SUGCT: variants seen among roughly 807,000 people sequenced by gnomAD.
SUGCT encodes the protein succinyl-CoA:glutarate CoA-transferase.
SUGCT carries 41 observed loss-of-function variants against 55.0 expected under a neutral mutation model. The observed-to-expected ratio is 0.74, with a 90% CI of 0.58 to 0.97. The LOEUF is 0.97. SUGCT is among the 50% of genes least tolerant of loss of function. The pLI, the probability that SUGCT is intolerant of heterozygous loss-of-function variation, is 0.00. For missense variants in SUGCT, 568 were observed against 547.8 expected, an observed-to-expected ratio of 1.04 and a Z score of -0.37; for synonymous variants, 187 against 200.4, an observed-to-expected ratio of 0.93 and a Z score of 0.56.
the SUGCT span, chr7:40,964,798 A>T: frequency 5.3e-5 from 8 of 152,164 alleles, no homozygotes; most frequent in Non-Finnish European, 1.2e-4. Context: ...ACAGCTGCTC[A>T]CCTGTTAAAT....
the SUGCT span, among the ~76,000 whole-genome samples, chr7:40,898,655 C>T: frequency 2.0e-5 from 3 of 151,672 alleles, no homozygotes; most frequent in South Asian, 2.1e-4. Flanking sequence ...ACCGTGGAGG[C>T]GGACCTTGCA....
At chr7:40,232,707 A>G (rs916384917) in intron 6 of SUGCT, among the ~76,000 whole-genome samples, 1 of 152,158 alleles carries the variant, frequency 6.6e-6, no homozygotes, top group Admixed American at 6.6e-5. Flanking sequence ...TTTTGCTTTC[A>G]GTGTCCATAA....
intron 9 of SUGCT, among the ~76,000 whole-genome samples, chr7:40,340,338 T>A (rs73688039): frequency 0.015 from 2,302 of 152,142 alleles, 47 homozygotes; most frequent in South Asian, 0.059. Context: ...CAACTCAATT[T>A]CACTTAACCT....
chr7:40,851,311 T>C (rs1793838356), intron 13 of SUGCT, among the ~76,000 whole-genome samples: 1 of 144,598 alleles, frequency 6.9e-6, no homozygotes, highest in African/African-American at 2.4e-5. Context: ...ATTAAATGCA[T>C]TTGTAAATGT....
intron 13 of SUGCT, among the ~76,000 whole-genome samples, chr7:40,752,547 G>A (rs554770915): frequency 1.3e-5 from 2 of 152,148 alleles, no homozygotes; most frequent in East Asian, 3.9e-4. Context: ...GTAGAGACGG[G>A]ATTTCACCAT....
chr7:40,440,850 C>T (rs1307063376), intron 9 of SUGCT, among the ~76,000 whole-genome samples: 1 of 151,870 alleles, frequency 6.6e-6, no homozygotes, highest in Non-Finnish European at 1.5e-5. Flanking sequence ...CCCAGCGACT[C>T]AGGAGGCTAT....
At chr7:40,459,795 C>T (rs1400657438) in intron 11 of SUGCT, among the ~76,000 whole-genome samples, 2 of 152,094 alleles carry the variant, frequency 1.3e-5, no homozygotes. Flanking sequence ...ATTTTATTTC[C>T]ATTTTTTTCC....
chr7:40,340,789 A>G (rs1227341226), intron 9 of SUGCT, among the ~76,000 whole-genome samples: 1 of 152,190 alleles, frequency 6.6e-6, no homozygotes, highest in Non-Finnish European at 1.5e-5. Flanking sequence ...GGTCGACTGG[A>G]GAATCAATGA....
At chr7:40,349,530 C>T (rs2151194754) in intron 9 of SUGCT, among the ~76,000 whole-genome samples, 1 of 152,256 alleles carries the variant, frequency 6.6e-6, no homozygotes, top group South Asian at 2.1e-4. Context: ...CATTCTGTTT[C>T]CTACTTGGTG....
chr7:40,786,359 T>C (rs1289875766), intron 13 of SUGCT, among the ~76,000 whole-genome samples: 1 of 152,214 alleles, frequency 6.6e-6, no homozygotes, highest in Non-Finnish European at 1.5e-5. Context: ...AGGATGTTCT[T>C]AGTGTCATAT....
intron 12 of SUGCT, among the ~76,000 whole-genome samples, chr7:40,656,272 G>A (rs1476849584): frequency 1.3e-5 from 2 of 149,202 alleles, no homozygotes; most frequent in African/African-American, 5.0e-5. Context: ...TCTGAACACC[G>A]AGATTTGACC....
intron 1 of SUGCT, among the ~76,000 whole-genome samples, chr7:40,136,354 A>T (rs2150567227): frequency 1.3e-5 from 2 of 152,306 alleles, no homozygotes; most frequent in Middle Eastern, 3.4e-3. Flanking sequence ...CCTAACGGGT[A>T]GCCTGGACCT....
At chr7:40,759,612 G>C (rs1788433254) in intron 13 of SUGCT, among the ~76,000 whole-genome samples, 1 of 150,300 alleles carries the variant, frequency 6.7e-6, no homozygotes, top group Admixed American at 6.6e-5. Context: ...CTAAAGTTGA[G>C]CCAAAAAGGG....
At chr7:40,454,651 T>A (rs1583720087) in intron 10 of SUGCT, among the ~76,000 whole-genome samples, 1 of 152,284 alleles carries the variant, frequency 6.6e-6, no homozygotes, top group East Asian at 1.9e-4. Context: ...AAACAGTGAT[T>A]TGATTAACTG....
intron 8 of SUGCT, among the ~76,000 whole-genome samples, chr7:40,287,680 A>T (rs565368925): frequency 6.6e-6 from 1 of 152,074 alleles, no homozygotes; most frequent in South Asian, 2.1e-4. Flanking sequence ...TTGAATTTTA[A>T]TAGAGATGGG....
intron 12 of SUGCT, among the ~76,000 whole-genome samples, chr7:40,624,954 T>C (rs1369675903): frequency 1.3e-5 from 2 of 152,152 alleles, no homozygotes; most frequent in Non-Finnish European, 2.9e-5. Flanking sequence ...ACCCCACTTA[T>C]CATAGTGCAT....
chr7:40,349,893 G>A (rs1023674754), intron 9 of SUGCT, among the ~76,000 whole-genome samples: 1 of 152,130 alleles, frequency 6.6e-6, no homozygotes, highest in Non-Finnish European at 1.5e-5. Context: ...ATGCTACATT[G>A]TTCAGTCTGG....
chr7:40,174,704 A>G (rs1474896854), intron 1 of SUGCT, among the ~76,000 whole-genome samples: 1 of 152,256 alleles, frequency 6.6e-6, no homozygotes, highest in Non-Finnish European at 1.5e-5. Flanking sequence ...CAGAAAAAAC[A>G]AAATTTCTGC....
intron 13 of SUGCT, among the ~76,000 whole-genome samples, chr7:40,848,802 A>G (rs1212952694): frequency 1.3e-5 from 2 of 152,042 alleles, no homozygotes; most frequent in African/African-American, 2.4e-5. Flanking sequence ...CCAAAGCCAC[A>G]TTTTTTCTCT....
Sources: allele counts gnomAD v4.1 joint callset (sites outside exome capture counted in the v4.1 genomes callset), GRCh38; gene constraint gnomAD v4.1.1; transcripts MANE v1.5; gene names NCBI Gene and HGNC (gene_info 2026-07-23, HGNC 2026-07-21).